Variants in STRBP observed in about 807,000 individuals in gnomAD.
STRBP encodes spermatid perinuclear RNA binding protein.
Under a neutral mutation model 80.1 loss-of-function variants are expected in STRBP, and 13 were observed. The ratio of observed to expected loss-of-function variants is 0.16; its 90% CI spans 0.11 to 0.26. The LOEUF is 0.26. Ranked by LOEUF, STRBP falls within the 10% of genes least tolerant of loss-of-function variation. The pLI, the probability that STRBP is intolerant of heterozygous loss-of-function variation, is 1.00. For synonymous variants in STRBP, 284 were observed against 291.2 expected (o/e 0.98, Z 0.25); for missense variants, 485 against 815.2 (o/e 0.59, Z 4.93).
At chr9:123,132,736 C>T in intron 17 of STRBP, 109 bp downstream of exon 17, 1 of 1,423,668 alleles carries the variant, frequency 7.0e-7, no homozygotes, top group Non-Finnish European at 9.5e-7. Context: ...ACATTCATGC[C>T]TGTGTTATAT....
At chr9:123,146,488 GA>G (rs1035535265) in intron 13 of STRBP, among the ~76,000 whole-genome samples, 12 of 149,328 alleles carry the variant, frequency 8.0e-5, no homozygotes, top group Middle Eastern at 3.2e-3. Flanking sequence ...AACATTACAT[GA>G]AAAAAAATCA....
chr9:123,122,173 C>A lies in STRBP; in HGVS notation c.*3424G>T. On this transcript the variant is annotated 3_prime_UTR_variant, in exon 19 of 19. Coordinates refer to ENST00000348403, the MANE Select transcript of STRBP (RefSeq NM_018387.5). ...TTAATTGACTATTTTTCTCTTTAAT[C>A]AGAAAATAAAAGAGCTTACCTTTGT... 1 of 410,042 alleles carries A rather than the reference C, an allele frequency of 2.4e-6. No homozygotes were observed. Among genetic ancestry groups the A allele is most frequent in the Non-Finnish European group, 3.9e-6 (1 of 257,114 alleles). 25.4% of individuals were successfully genotyped at this position (410,042 alleles called of 1,614,324 possible).
rs1326359412 is a variant in STRBP at position 123,115,935 on chromosome 9, G to A, written c.*78C>T. On this transcript the variant is annotated 3_prime_UTR_variant and NMD_transcript_variant, in exon 3 of 4. Transcript: ENST00000471564. The surrounding 1 kb of genome is among the most constrained non-coding windows in gnomAD (Gnocchi z 5.0). ...TATAATCCCTTAAAAATACCTGGCA[G>A]GAGTGCCCACGTTCTCTCCAGGTCT... The A allele has an allele frequency of 4.5e-6, 2 of 445,968 alleles. No individual in the cohort carries two copies. Among genetic ancestry groups the A allele is most frequent in the Non-Finnish European group, 9.0e-6 (2 of 222,476 alleles). The allele number at this position is 445,968 out of a possible 1,614,324, so 27.6% of individuals were successfully genotyped here.
Position 123,136,819 on chromosome 9 carries a change from T to G in STRBP, c.1498-304A>C, listed in dbSNP as rs2036374463. Among the ~76,000 whole-genome samples, 1 of 152,218 alleles carries G rather than the reference T, an allele frequency of 6.6e-6. No individual in the cohort carries two copies. The highest frequency in any genetic ancestry group is 2.4e-5 in the African/African-American group (1 of 41,450). On this transcript the variant is annotated intron_variant, in intron 14 of 18. Transcript: ENST00000348403. This position sits in a 1 kb window ranked among gnomAD's most constrained non-coding sequence, Gnocchi z 4.2. ...CTCTGTAGTGTTCGTGATCTAAGAATAATACTCTAAATTACTAATAACGAG... is the reference window on the plus strand; with the variant it reads ...CTCTGTAGTGTTCGTGATCTAAGAAGAATACTCTAAATTACTAATAACGAG...
At chr9:123,232,603 G>T (rs1443121378) in intron 2 of STRBP, among the ~76,000 whole-genome samples, 1 of 152,172 alleles carries the variant, frequency 6.6e-6, no homozygotes, top group Non-Finnish European at 1.5e-5. Context: ...AATTTGGAAT[G>T]AAATTAACAG....
downstream of STRBP, among the ~76,000 whole-genome samples, chr9:123,118,317 C>T (rs559544315): frequency 6.6e-6 from 1 of 152,318 alleles, no homozygotes; most frequent in South Asian, 2.1e-4. Flanking sequence ...ATGACCTAAA[C>T]TGAGGGCTGC....
chr9:123,245,286 G>T (rs76373359), intron 1 of STRBP, among the ~76,000 whole-genome samples: 1 of 152,156 alleles, frequency 6.6e-6, no homozygotes, highest in Non-Finnish European at 1.5e-5. Flanking sequence ...ATGCACACTG[G>T]AATTACCTCT....
At position 123,123,501 on chromosome 9, in the gene STRBP, A is replaced by G; in HGVS notation, c.*2096T>C. On this transcript the variant is annotated 3_prime_UTR_variant, in exon 19 of 19. Transcript: ENST00000348403. ...TGCAGCAACTGGGCAGGTTTACAAC[A>G]TGGTTAGTAACTTCCAACAAACAAC... 3.1e-6 allele frequency: 3 copies of G among 983,332 alleles called. No homozygotes were observed. The highest frequency in any genetic ancestry group is 3.6e-6 in the Non-Finnish European group (3 of 829,668). 60.9% of individuals were successfully genotyped at this position (983,332 alleles called of 1,614,324 possible). A position where few individuals can be genotyped will look rare whatever the true frequency, so the allele number is the denominator to read the frequency against.
downstream of STRBP, among the ~76,000 whole-genome samples, chr9:123,121,132 G>A (rs1175517136): frequency 1.3e-5 from 2 of 152,164 alleles, no homozygotes; most frequent in East Asian, 3.8e-4. Context: ...GTACTAGTCA[G>A]CTATACCTCA....
chr9:123,167,847 GTACAA>G (rs1308071961), intron 6 of STRBP, among the ~76,000 whole-genome samples: 1 of 151,992 alleles, frequency 6.6e-6, no homozygotes, highest in South Asian at 2.1e-4. Context: ...TCTAGCAAGA[GTACAA>G]TATACTAAGA....
chr9:123,197,676 T>TC lies in STRBP; in HGVS notation c.-164-13379_-164-13378insG, dbSNP rs1475632056. 9.5e-5 allele frequency among the ~76,000 whole-genome samples: 13 copies of TC among 137,234 alleles called. No homozygotes were observed. In the East Asian group the frequency reaches 1.2e-3, roughly 13 times the overall value. 90.0% of individuals were successfully genotyped at this position (137,234 alleles called of 152,430 possible). On this transcript the variant is annotated intron_variant, in intron 2 of 18. Coordinates refer to ENST00000348403, the MANE Select transcript of STRBP (RefSeq NM_018387.5). ...GCTGTGAAACATATTTCTTTTTTTTTTTTTTTTTTTTTTTTTGACACGGAG... is the reference window on the plus strand; with the variant it reads ...GCTGTGAAACATATTTCTTTTTTTTTCTTTTTTTTTTTTTTTTGACACGGAG...
intron 3 of STRBP, chr9:123,180,994 T>C: frequency 1.1e-6 from 1 of 929,252 alleles, no homozygotes; most frequent in Non-Finnish European, 1.3e-6. Flanking sequence ...AAAAATCACA[T>C]TATTTTTGGA....
chr9:123,168,592 C>T (rs557689919), intron 6 of STRBP, among the ~76,000 whole-genome samples: 1 of 152,268 alleles, frequency 6.6e-6, no homozygotes, highest in South Asian at 2.1e-4. Context: ...AAGAAACTGA[C>T]CAATATTTAC....
At chr9:123,185,079 C>T (rs981701930) in intron 2 of STRBP, among the ~76,000 whole-genome samples, 4 of 149,204 alleles carry the variant, frequency 2.7e-5, no homozygotes, top group African/African-American at 4.9e-5. Flanking sequence ...AACCTAGCTA[C>T]AAGAAAAGGA....
chr9:123,114,511 G>A (rs2035614438), intron 3 of STRBP: 2 of 167,108 alleles, frequency 1.2e-5, no homozygotes, highest in Non-Finnish European at 1.5e-5. Context: ...CTCCTGGCTG[G>A]AGAGCCCAGC....
chr9:123,147,131 A>T (rs767485140), intron 12 of STRBP, 77 bp from the exon 13 acceptor site: 1 of 1,341,362 alleles, frequency 7.5e-7, no homozygotes, highest in Non-Finnish European at 1.0e-6. Context: ...GGTTCCTAGT[A>T]ACTACTGTAA....
intron 13 of STRBP, among the ~76,000 whole-genome samples, chr9:123,143,391 G>T (rs2036674295): frequency 1.3e-5 from 2 of 152,240 alleles, no homozygotes; most frequent in African/African-American, 4.8e-5. Flanking sequence ...CCAGACTCAT[G>T]TGAAACTACT....
At chr9:123,158,219 T>C in intron 10 of STRBP, 96 bp from the exon 11 acceptor site, 6 of 1,478,108 alleles carry the variant, frequency 4.1e-6, no homozygotes, top group Non-Finnish European at 5.6e-6. Context: ...ATTCTGACAT[T>C]ATAACAGCAG....
intron 2 of STRBP, among the ~76,000 whole-genome samples, chr9:123,199,303 T>A (rs1345196791): frequency 6.6e-6 from 1 of 152,248 alleles, no homozygotes; most frequent in Non-Finnish European, 1.5e-5. Context: ...CAGTTTGAAG[T>A]CCAGTAATGT....
Sources: allele counts gnomAD v4.1 joint callset (sites outside exome capture counted in the v4.1 genomes callset), GRCh38; gene constraint gnomAD v4.1.1; non-coding constraint Gnocchi (gnomAD v3.1); transcripts MANE v1.5; gene names NCBI Gene and HGNC (gene_info 2026-07-23, HGNC 2026-07-21).